The following ZFHX3 variants were observed in gnomAD, a reference collection of about 807,000 sequenced individuals.
ZFHX3 encodes the protein zinc finger homeobox protein 3.
A neutral mutation model predicts 279.1 loss-of-function variants in ZFHX3; 42 were observed. That is an observed-to-expected ratio of 0.15 (90% CI 0.12 to 0.19). The LOEUF is 0.19. Ranked by LOEUF, ZFHX3 falls within the 10% of genes least tolerant of loss-of-function variation. The pLI is 1.00. For missense variants in ZFHX3, 4,981 were observed against 4,754.0 expected, an observed-to-expected ratio of 1.05 and a Z score of -1.40; for synonymous variants, 2,293 against 1,957.8, an observed-to-expected ratio of 1.17 and a Z score of -4.52.
chr16:73,352,018 C>T (rs570649299), intron 3 of ZFHX3, among the ~76,000 whole-genome samples: 1 of 152,224 alleles, frequency 6.6e-6, no homozygotes, highest in Non-Finnish European at 1.5e-5. Flanking sequence ...AATAACTTCT[C>T]CCTGGATGCA....
intron 6 of ZFHX3, chr16:73,137,135 A>G (rs1222084848): frequency 1.3e-5 from 2 of 152,204 alleles, no homozygotes; most frequent in Non-Finnish European, 2.9e-5. Flanking sequence ...ATTTTAAAAT[A>G]TCAGAGCTGA....
rs372337934 is a variant in ZFHX3 at position 72,958,440 on chromosome 16, C to T, written c.1706G>A (p.Arg569His). The change falls in exon 2 of 10, where the codon CGT (arginine) becomes CAT (histidine). Residue 569 changes from arginine to histidine, a missense_variant. By Grantham distance (29) the Arg-to-His change is conservative. This residue lies in a region of ZFHX3 where 1,068 missense variants were observed against 935.2 expected (regional missense o/e 1.14). Transcript: ENST00000268489. ...GACGCCCTCACTGTTAAAGCTTAAA[C>T]GATTCCTCCTGTTCGCACCATCAAA... ...VVFDGANRRN[R>H]LSFNSEGVRA... The T allele has an allele frequency of 1.8e-4, 292 of 1,614,088 alleles. No individual in the cohort carries two copies. The highest frequency in any genetic ancestry group is 3.3e-4 in the Middle Eastern group (2 of 6,084).
intron 2 of ZFHX3, among the ~76,000 whole-genome samples, chr16:73,652,272 A>G (rs1329421390): frequency 6.6e-6 from 1 of 152,206 alleles, no homozygotes; most frequent in Non-Finnish European, 1.5e-5. Flanking sequence ...AGGAGAGAAC[A>G]CTTTGGCTTT....
chr16:73,703,528 A>G (rs1419159298), intron 1 of ZFHX3, among the ~76,000 whole-genome samples: 2 of 152,134 alleles, frequency 1.3e-5, no homozygotes, highest in Non-Finnish European at 2.9e-5. Context: ...GGGAAGGTTT[A>G]TAGGATGAAG....
chr16:73,343,120 C>T (rs2016063573), intron 3 of ZFHX3, among the ~76,000 whole-genome samples: 1 of 152,052 alleles, frequency 6.6e-6, no homozygotes, highest in African/African-American at 2.4e-5. Context: ...TTAGTGAAGA[C>T]ATGTTTTTTT....
At chr16:72,990,397 G>A (rs533738682) in intron 1 of ZFHX3, among the ~76,000 whole-genome samples, 3 of 152,236 alleles carry the variant, frequency 2.0e-5, no homozygotes, top group South Asian at 2.1e-4. Context: ...CTCACACATC[G>A]TGCCCCTGCC....
At chr16:73,499,525 G>C (rs1403581489) in intron 2 of ZFHX3, 4 of 152,164 alleles carry the variant, frequency 2.6e-5, no homozygotes, top group African/African-American at 9.7e-5. Flanking sequence ...CAGCTGAATT[G>C]CCTTCAAGTT....
chr16:73,457,084 C>G (rs144864100), intron 2 of ZFHX3, among the ~76,000 whole-genome samples: 119 of 152,306 alleles, frequency 7.8e-4, no homozygotes, highest in African/African-American at 2.6e-3. Context: ...GGTAGCGGAG[C>G]CTTGTGCTTC....
chr16:73,399,834 T>TGGG (rs1319844533), intron 3 of ZFHX3, among the ~76,000 whole-genome samples: 1 of 77,666 alleles, frequency 1.3e-5, no homozygotes, highest in African/African-American at 5.8e-5. Flanking sequence ...GAGTGTGGTG[T>TGGG]GTGGTGTGTG....
intron 1 of ZFHX3, among the ~76,000 whole-genome samples, chr16:73,789,395 T>C (rs1176576480): frequency 1.3e-5 from 2 of 152,022 alleles, no homozygotes; most frequent in East Asian, 1.9e-4. Flanking sequence ...TTAGCCAGGA[T>C]GGTCTCTATT....
intron 7 of ZFHX3, among the ~76,000 whole-genome samples, chr16:73,109,076 G>A (rs186331029): frequency 2.0e-3 from 301 of 152,352 alleles, no homozygotes; most frequent in Non-Finnish European, 3.6e-3. Context: ...CAGCCAGCCT[G>A]AGGACTTGAG....
chr16:73,753,551 C>A (rs564279335), intron 1 of ZFHX3, among the ~76,000 whole-genome samples: 1 of 152,084 alleles, frequency 6.6e-6, no homozygotes, highest in Admixed American at 6.6e-5. Context: ...ATACAGTTGC[C>A]AACAGCCCAT....
chr16:73,710,900 C>G (rs918692290), intron 1 of ZFHX3, among the ~76,000 whole-genome samples: 2 of 152,210 alleles, frequency 1.3e-5, no homozygotes, highest in South Asian at 2.1e-4. Context: ...CCAACTCTCT[C>G]TAGCCCTCAC....
At chr16:73,538,429 C>A (rs910153612) in intron 2 of ZFHX3, among the ~76,000 whole-genome samples, 1 of 152,054 alleles carries the variant, frequency 6.6e-6, no homozygotes, top group Non-Finnish European at 1.5e-5. Flanking sequence ...TCATTAATTG[C>A]GTGAAGTACA....
chr16:73,594,667 A>C (rs929300268), intron 2 of ZFHX3, among the ~76,000 whole-genome samples: 1 of 152,234 alleles, frequency 6.6e-6, no homozygotes, highest in African/African-American at 2.4e-5. Flanking sequence ...TTGCAGAATC[A>C]GGGCAGAAAG....
intron 2 of ZFHX3, among the ~76,000 whole-genome samples, chr16:73,515,813 C>A (rs892169837): frequency 5.9e-5 from 9 of 152,154 alleles, no homozygotes; most frequent in African/African-American, 2.2e-4. Context: ...CCATTTTGAT[C>A]ATCTGACCAG....
chr16:73,820,173 TCTGCCTCCTGGGTTCATGCCATTCTC>T (rs1430326149), intron 1 of ZFHX3, among the ~76,000 whole-genome samples: 1 of 152,128 alleles, frequency 6.6e-6, no homozygotes, highest in Non-Finnish European at 1.5e-5. Flanking sequence ...CACTGCAAGC[TCTGCCTCCTGGGTTCATGCCATTCTC>T]CTGCCTCAGC....
At chr16:73,048,342 C>CCGCAGGGACCCGGGGACG (rs1349861682), upstream of ZFHX3, 1 of 151,760 alleles carries the variant, frequency 6.6e-6, no homozygotes, top group Non-Finnish European at 1.5e-5. Flanking sequence ...GCCCGCCCGC[C>CCGCAGGGACCCGGGGACG]CGCAGGGACC....
At chr16:73,207,254 A>G (rs1288437003) in intron 5 of ZFHX3, among the ~76,000 whole-genome samples, 3 of 152,090 alleles carry the variant, frequency 2.0e-5, no homozygotes, top group Non-Finnish European at 4.4e-5. Context: ...ACGGTTCTAG[A>G]GCTTCTTGAC....
Sources: gnomAD v4.1 joint callset for allele counts (sites outside exome capture counted in the v4.1 genomes callset) on GRCh38, gnomAD v4.1.1 for gene constraint, gnomAD v4.1.1 regional missense constraint, MANE v1.5 for transcripts, NCBI Gene and HGNC (gene_info 2026-07-23, HGNC 2026-07-21) for gene names.